Variants in TRHDE observed in about 807,000 individuals in gnomAD.
The protein encoded by TRHDE is thyrotropin-releasing hormone-degrading ectoenzyme.
A neutral mutation model predicts 125.7 loss-of-function variants in TRHDE; 72 were observed. The observed-to-expected ratio is 0.57, with a 90% CI of 0.47 to 0.70. The LOEUF (loss-of-function observed/expected upper bound fraction) is 0.70, where lower values mean the gene tolerates loss of function less well. TRHDE is among the 30% of genes least tolerant of loss of function. TRHDE has a pLI of 0.00. For synonymous variants in TRHDE, 509 were observed against 509.1 expected, an observed-to-expected ratio of 1.00 and a Z score of 0.00; for missense variants, 1,110 against 1,327.1, an observed-to-expected ratio of 0.84 and a Z score of 2.54.
chr12:72,539,781 G>T (rs1478901039), intron 6 of TRHDE, among the ~76,000 whole-genome samples: 1 of 151,806 alleles, frequency 6.6e-6, no homozygotes, highest in African/African-American at 2.4e-5. Flanking sequence ...ATCCTTGAAT[G>T]TTAGTTTAGC....
chr12:72,468,432 A>G (rs1382433047), intron 3 of TRHDE, among the ~76,000 whole-genome samples: 1 of 152,228 alleles, frequency 6.6e-6, no homozygotes, highest in Non-Finnish European at 1.5e-5. Flanking sequence ...TCACCTGTAC[A>G]AACAATACCA....
intron 2 of TRHDE, among the ~76,000 whole-genome samples, chr12:72,336,714 G>A (rs1409386932): frequency 6.6e-6 from 1 of 152,174 alleles, no homozygotes; most frequent in East Asian, 1.9e-4. Context: ...GAAAGTGGAA[G>A]GCCAGGAGAT....
At chr12:72,484,819 T>C (rs1027681250) in intron 5 of TRHDE, among the ~76,000 whole-genome samples, 1 of 152,162 alleles carries the variant, frequency 6.6e-6, no homozygotes, top group African/African-American at 2.4e-5. Flanking sequence ...TAGTGCTCTT[T>C]TCCCCCACAA....
chr12:72,654,262 C>T (rs1874620631), intron 17 of TRHDE, among the ~76,000 whole-genome samples: 1 of 152,090 alleles, frequency 6.6e-6, no homozygotes, highest in Admixed American at 6.6e-5. Flanking sequence ...TTATTGCCTA[C>T]CAAAAAATGT....
chr12:72,202,611 T>C (rs962755063), intron 2 of TRHDE, among the ~76,000 whole-genome samples: 3 of 152,166 alleles, frequency 2.0e-5, no homozygotes, highest in Non-Finnish European at 4.4e-5. Flanking sequence ...ATGAATTTCT[T>C]TTTATATAAA....
chr12:72,149,074 T>C (rs1173097199), intron 2 of TRHDE, among the ~76,000 whole-genome samples: 5 of 152,184 alleles, frequency 3.3e-5, no homozygotes, highest in African/African-American at 1.2e-4. Context: ...TTGTGCCTTC[T>C]TTTTGGCAAA....
At chr12:72,635,447 T>A (rs901973096) in intron 15 of TRHDE, among the ~76,000 whole-genome samples, 10 of 152,166 alleles carry the variant, frequency 6.6e-5, no homozygotes, top group African/African-American at 2.4e-4. Context: ...TCCCATTCTG[T>A]AGGTTGCCTG....
At position 72,663,073 on chromosome 12, in the gene TRHDE, T is replaced by C. The variant is rs1800610343; in HGVS notation, c.3088T>C (p.Tyr1030His). 6.2e-7 allele frequency: 1 copy of C among 1,611,362 alleles called. No homozygotes were observed. The highest frequency in any genetic ancestry group is 1.3e-5 in the African/African-American group (1 of 74,902). The change falls in exon 19 of 19, where the codon TAT becomes CAT. Residue 1030 changes from tyrosine to histidine, a missense_variant. Physicochemically the swap from Tyr to His is moderately conservative, Grantham distance 83. Coordinates refer to ENST00000261180, the MANE Select transcript of TRHDE (RefSeq NM_013381.3). Reference sequence around the variant, plus strand: ...CCAGCTCAAGAACTTCATGAAAAACTATGATGGGGTAGCTGCTGCTTCTTT... The same window carrying C: ...CCAGCTCAAGAACTTCATGAAAAACCATGATGGGGTAGCTGCTGCTTCTTT... ...LKELKNFMKN[Y>H]DGVAAASFSR...
intron 2 of TRHDE, among the ~76,000 whole-genome samples, chr12:72,371,028 A>AC (rs1871559994): frequency 2.0e-5 from 3 of 152,272 alleles, no homozygotes; most frequent in African/African-American, 7.2e-5. Flanking sequence ...TACAGGCGTG[A>AC]GCCACTGCCC....
In TRHDE at chr12:72,649,777, A is replaced by G. The variant is rs545703263; in HGVS notation, c.2676-2545A>G. ...GATGACATAGAGGTGGCCAACAGCT[A>G]TGTGAAAAAAAGTCACTAATCACCA... On this transcript the variant is annotated intron_variant, in intron 15 of 18. Transcript: ENST00000261180. 1.9e-4 allele frequency among the ~76,000 whole-genome samples: 29 copies of G among 152,228 alleles called. No homozygotes were observed. In the South Asian group the frequency reaches 5.0e-3, roughly 26 times the overall value.
chr12:72,608,090 T>C (rs1354490403), intron 12 of TRHDE, among the ~76,000 whole-genome samples: 1 of 152,150 alleles, frequency 6.6e-6, no homozygotes, highest in African/African-American at 2.4e-5. Context: ...TTGAGATTTA[T>C]TTTTGAGATA....
intron 1 of TRHDE, chr12:72,274,431 G>A (rs988553456): frequency 6.6e-6 from 1 of 152,194 alleles, no homozygotes; most frequent in African/African-American, 2.4e-5. Flanking sequence ...CTTGTTTAGA[G>A]CTCAGACCTC....
rs76164512 is a variant in TRHDE at position 72,399,017 on chromosome 12, C to G, written c.1315+20896C>G. On this transcript the variant is annotated intron_variant, in intron 3 of 18. Coordinates refer to ENST00000261180, the MANE Select transcript of TRHDE (RefSeq NM_013381.3). ...GTGAGCATTACTGCCAGAGCTCTGC[C>G]TCCTCTCAGATCAGTGGTGGCACTA... is the stretch of plus-strand genomic sequence containing the variant. 1.8e-3 allele frequency among the ~76,000 whole-genome samples: 270 copies of G among 152,322 alleles called. 3 individuals carry two copies. In the East Asian group the frequency reaches 0.045, roughly 26 times the overall value.
At chr12:72,520,888 A>C (rs1349416802) in intron 6 of TRHDE, among the ~76,000 whole-genome samples, 2 of 152,222 alleles carry the variant, frequency 1.3e-5, no homozygotes, top group Non-Finnish European at 2.9e-5. Context: ...ACTTAAAATT[A>C]TACTTTTTTC....
intron 2 of TRHDE, among the ~76,000 whole-genome samples, chr12:72,232,526 A>T (rs2139374986): frequency 6.6e-6 from 1 of 152,100 alleles, no homozygotes; most frequent in Admixed American, 6.5e-5. Context: ...CTCCCTAGTC[A>T]GCGAGGGCCC....
intron 2 of TRHDE, among the ~76,000 whole-genome samples, chr12:72,241,024 G>T (rs1325578307): frequency 1.4e-5 from 2 of 142,184 alleles, no homozygotes; most frequent in Non-Finnish European, 3.2e-5. Flanking sequence ...TGCCTATAGT[G>T]ATCACTGGTG....
chr12:72,266,284 A>G (rs1879067544), intron 2 of TRHDE, among the ~76,000 whole-genome samples: 1 of 151,982 alleles, frequency 6.6e-6, no homozygotes. Flanking sequence ...TCATGGTTTG[A>G]GAGGTGAGGC....
chr12:72,485,033 C>T (rs533880263), intron 5 of TRHDE, among the ~76,000 whole-genome samples: 183 of 152,238 alleles, frequency 1.2e-3, no homozygotes, highest in African/African-American at 4.3e-3. Context: ...GGACTTCTTC[C>T]TGCAGAGAAA....
At chr12:72,459,968 G>GAC (rs1197877252) in intron 3 of TRHDE, among the ~76,000 whole-genome samples, 3 of 152,134 alleles carry the variant, frequency 2.0e-5, no homozygotes, top group Non-Finnish European at 4.4e-5. Flanking sequence ...TCCCAAGAGT[G>GAC]ACACACACAG....
Sources: gnomAD v4.1 joint callset for allele counts (sites outside exome capture counted in the v4.1 genomes callset) on GRCh38, gnomAD v4.1.1 for gene constraint, MANE v1.5 for transcripts, NCBI Gene and HGNC (gene_info 2026-07-23, HGNC 2026-07-21) for gene names.